BARX2: variants seen among roughly 807,000 people sequenced by gnomAD.
The protein encoded by BARX2 is homeobox protein BarH-like 2.
A neutral mutation model predicts 25.5 loss-of-function variants in BARX2; 11 were observed. That is an observed-to-expected ratio of 0.43 (90% CI 0.27 to 0.71). The LOEUF is 0.71. Ranked by LOEUF, BARX2 falls within the 30% of genes least tolerant of loss-of-function variation. The pLI is 0.19. For synonymous variants in BARX2, 137 were observed against 149.5 expected (o/e 0.92, Z 0.61); for missense variants, 360 against 359.9 (o/e 1.00, Z 0.00).
At chr11:129,407,341 C>G (rs1308250165) in intron 1 of BARX2, among the ~76,000 whole-genome samples, 4 of 152,230 alleles carry the variant, frequency 2.6e-5, no homozygotes, top group Admixed American at 2.6e-4. Flanking sequence ...TTGAAGAAGA[C>G]ACAGCTTTCC....
chr11:129,393,484 G>A (rs144903351), intron 1 of BARX2, among the ~76,000 whole-genome samples: 27 of 149,888 alleles, frequency 1.8e-4, no homozygotes, highest in African/African-American at 6.1e-4. Context: ...TTCTTTGTAG[G>A]CCATATAAAA....
chr11:129,432,569 G>A (rs77909492), intron 1 of BARX2, among the ~76,000 whole-genome samples: 2,474 of 152,252 alleles, frequency 0.016, 50 homozygotes, highest in African/African-American at 0.055. Context: ...TACTAGAAGT[G>A]TCATAAAACT....
chr11:129,448,573 GA>G (rs1482977683), intron 3 of BARX2, among the ~76,000 whole-genome samples: 1 of 152,252 alleles, frequency 6.6e-6, no homozygotes, highest in Non-Finnish European at 1.5e-5. Context: ...GAACCACAAT[GA>G]GATACCACTT....
intron 1 of BARX2, among the ~76,000 whole-genome samples, chr11:129,381,770 A>G (rs4639949): frequency 2.0e-5 from 3 of 151,978 alleles, no homozygotes; most frequent in Non-Finnish European, 4.4e-5. Context: ...GCAAAGGATT[A>G]TTTTATTTAT....
At chr11:129,442,691 G>A (rs748420626) in intron 2 of BARX2, 144 bp from the exon 3 acceptor site, 27 of 761,158 alleles carry the variant, frequency 3.5e-5, no homozygotes, top group Middle Eastern at 3.1e-4. Context: ...AAAGAAAAGC[G>A]CTTTGGGGAA....
intron 3 of BARX2, among the ~76,000 whole-genome samples, chr11:129,445,504 T>A (rs773389402): frequency 2.0e-5 from 3 of 152,180 alleles, no homozygotes; most frequent in Non-Finnish European, 4.4e-5. Context: ...TGGGTATCAA[T>A]GCCATGTAAA....
intron 3 of BARX2, among the ~76,000 whole-genome samples, chr11:129,450,595 A>G (rs1194302752): frequency 1.3e-5 from 2 of 152,252 alleles, no homozygotes; most frequent in Non-Finnish European, 2.9e-5. Flanking sequence ...TTTTGCTGTT[A>G]TAACCAATAT....
chr11:129,429,506 C>A (rs1353780615), intron 1 of BARX2, among the ~76,000 whole-genome samples: 1 of 151,968 alleles, frequency 6.6e-6, no homozygotes, highest in Admixed American at 6.6e-5. Context: ...GCCTGGGTGG[C>A]AGAGGGAGAC....
intron 2 of BARX2, 112 bp from the exon 3 acceptor site, chr11:129,442,723 T>TCTA: frequency 2.2e-6 from 2 of 917,490 alleles, no homozygotes; most frequent in South Asian, 2.6e-5. Context: ...ATGGGGGAGG[T>TCTA]CCGAGCCTTG....
At chr11:129,444,348 T>G (rs924284552) in intron 3 of BARX2, among the ~76,000 whole-genome samples, 2 of 152,192 alleles carry the variant, frequency 1.3e-5, no homozygotes, top group African/African-American at 4.8e-5. Flanking sequence ...TCTTGTAATT[T>G]CCTCTGGGGG....
At chr11:129,386,778 A>C (rs888818587) in intron 1 of BARX2, among the ~76,000 whole-genome samples, 2 of 152,256 alleles carry the variant, frequency 1.3e-5, no homozygotes, top group African/African-American at 4.8e-5. Context: ...TGGGAGCTCT[A>C]TCTTTCTGTG....
At chr11:129,451,040 AGATG>A in intron 3 of BARX2, 92 bp from the exon 4 acceptor site, 1 of 1,458,650 alleles carries the variant, frequency 6.9e-7, no homozygotes, top group Non-Finnish European at 9.3e-7. Flanking sequence ...CTGCTGGAAC[AGATG>A]GTTTAGATGC....
chr11:129,449,385 A>G (rs1862369308), intron 3 of BARX2, among the ~76,000 whole-genome samples: 1 of 150,894 alleles, frequency 6.6e-6, no homozygotes, highest in African/African-American at 2.4e-5. Flanking sequence ...GTTTGTCTTC[A>G]AGGAGCTTAT....
At chr11:129,380,209 G>A (rs1861548094) in intron 1 of BARX2, among the ~76,000 whole-genome samples, 1 of 151,984 alleles carries the variant, frequency 6.6e-6, no homozygotes, top group African/African-American at 2.4e-5. Flanking sequence ...CACACCCAGG[G>A]GACAGTCAAC....
chr11:129,424,702 A>G (rs1230243955), intron 1 of BARX2, among the ~76,000 whole-genome samples: 2 of 152,328 alleles, frequency 1.3e-5, no homozygotes, highest in South Asian at 2.1e-4. Flanking sequence ...TGTCTCTACC[A>G]GTCAGCACAG....
chr11:129,389,287 G>A (rs1429136024), intron 1 of BARX2, among the ~76,000 whole-genome samples: 29 of 152,064 alleles, frequency 1.9e-4, no homozygotes, highest in Admixed American at 1.9e-3. Flanking sequence ...TACCATTATT[G>A]GTGAATTAAA....
intron 2 of BARX2, among the ~76,000 whole-genome samples, chr11:129,441,730 A>T (rs935923695): frequency 6.6e-6 from 1 of 152,216 alleles, no homozygotes; most frequent in Non-Finnish European, 1.5e-5. Flanking sequence ...GATTACAGGC[A>T]TGAGCCACTG....
At chr11:129,402,513 T>C (rs1277970971) in intron 1 of BARX2, among the ~76,000 whole-genome samples, 1 of 152,206 alleles carries the variant, frequency 6.6e-6, no homozygotes, top group Non-Finnish European at 1.5e-5. Flanking sequence ...TATTCAAATG[T>C]CACTGTTTCC....
chr11:129,437,099 G>C, intron 2 of BARX2, 48 bp downstream of exon 2: 1 of 1,483,288 alleles, frequency 6.7e-7, no homozygotes, highest in South Asian at 1.4e-5. Flanking sequence ...CCCTGGGAAC[G>C]GGAGACTTGC....
Sources: allele counts gnomAD v4.1 joint callset (sites outside exome capture counted in the v4.1 genomes callset), GRCh38; gene constraint gnomAD v4.1.1; transcripts MANE v1.5; gene names NCBI Gene and HGNC (gene_info 2026-07-23, HGNC 2026-07-21).